The following DNMT1 variants were observed in gnomAD, a reference collection of about 807,000 sequenced individuals.
The protein encoded by DNMT1 is DNA methyltransferase 1.
In DNMT1, 24 loss-of-function variants were observed where a neutral mutation model predicts 205.3. The ratio of observed to expected loss-of-function variants is 0.12; its 90% confidence interval spans 0.08 to 0.16. The LOEUF (loss-of-function observed/expected upper bound fraction) is 0.16, where lower values mean the gene tolerates loss of function less well. DNMT1 is among the 10% of genes least tolerant of loss of function. The probability of loss-of-function intolerance (pLI) is 1.00; values close to 1 mark genes in which losing one functional copy is unlikely to be tolerated. For missense variants in DNMT1, 1,293 were observed against 2,177.7 expected, an observed-to-expected ratio of 0.59 and a Z score of 8.09; for synonymous variants, 817 against 839.8, an observed-to-expected ratio of 0.97 and a Z score of 0.47.
chr19:10,134,078 T>G, intron 40 of DNMT1, 139 bp downstream of exon 40: 1 of 836,302 alleles, frequency 1.2e-6, no homozygotes, highest in Non-Finnish European at 2.0e-6. Context: ...CAGCAGCCCC[T>G]TGAGAAAGAT....
Position 10,138,269 on chromosome 19 carries a change from T to C in DNMT1, c.4115+170A>G, listed in dbSNP as rs2089532181. Among the ~76,000 whole-genome samples, 1 of 152,112 alleles carries C rather than the reference T, an allele frequency of 6.6e-6. No homozygotes were observed. The highest frequency in any genetic ancestry group is 6.5e-5 in the Admixed American group (1 of 15,274). On this transcript the variant is annotated intron_variant, in intron 35 of 40. Transcript: ENST00000359526. The surrounding 1 kb of genome is among the most constrained non-coding windows in gnomAD (Gnocchi z 4.1). ...TACTAGGGAAGCAGATGATGCAGGG[T>C]CAGAACTGGAGACCACAGGTGGCAG... is the stretch of plus-strand genomic sequence containing the variant.
At chr19:10,175,126 CACATAT>C (rs771282646) in intron 7 of DNMT1, among the ~76,000 whole-genome samples, 10 of 106,210 alleles carry the variant, frequency 9.4e-5, no homozygotes, top group African/African-American at 1.4e-4. Context: ...CACACACACA[CACATAT>C]ATATAACATG....
rs770740813 is a variant in DNMT1, at chr19:10,154,273, G to A, written c.2019+20C>T. Reference sequence around the variant, plus strand: ...GCTGGGCCACCTTAGGGGAGCGGGAGCACCCACAGGTGAGGTTACCTCACA... The same window carrying A: ...GCTGGGCCACCTTAGGGGAGCGGGAACACCCACAGGTGAGGTTACCTCACA... On this transcript the variant is annotated intron_variant, in intron 22 of 40. Transcript: ENST00000359526. The surrounding 1 kb of genome is among the most constrained non-coding windows in gnomAD (Gnocchi z 6.3). 4 of 1,613,576 alleles carry A rather than the reference G, an allele frequency of 2.5e-6. No homozygotes were observed. Among genetic ancestry groups the A allele is most frequent in the Non-Finnish European group, 3.4e-6 (4 of 1,179,562 alleles).
At position 10,159,752 on chromosome 19, in the gene DNMT1, T is replaced by G; in HGVS notation, c.1186A>C (p.Met396Leu). 1 of 1,614,200 alleles carries G rather than the reference T, an allele frequency of 6.2e-7. No homozygotes were observed. Among genetic ancestry groups the G allele is most frequent in the Non-Finnish European group, 8.5e-7 (1 of 1,180,042 alleles). ...ATGGACAGCTTCTCATTTGTCAGCA[T>G]CTGTGGCTCATCCACCTGAAGGACA... is the stretch of plus-strand genomic sequence containing the variant. ...HPPDAVDEPQ[M>L]LTNEKLSIFD... The change falls in exon 17 of 41, where the codon ATG (methionine) becomes CTG (leucine). Residue 396 changes from methionine to leucine, a missense_variant. Physicochemically the swap from Met to Leu is conservative, Grantham distance 15 (BLOSUM62 2). Transcript: ENST00000359526. The surrounding 1 kb of genome is among the most constrained non-coding windows in gnomAD (Gnocchi z 5.0).
At chr19:10,193,088 C>T (rs1599414529) in intron 1 of DNMT1, among the ~76,000 whole-genome samples, 1 of 152,120 alleles carries the variant, frequency 6.6e-6, no homozygotes, top group East Asian at 1.9e-4. Flanking sequence ...GGCATGATGG[C>T]TCATACTTGT....
Position 10,160,005 on chromosome 19 carries a change from G to A in DNMT1, c.1089+13C>T, listed in dbSNP as rs764042063. 8.7e-6 allele frequency: 14 copies of A among 1,614,040 alleles called. No homozygotes were observed. Among genetic ancestry groups the A allele is most frequent in the African/African-American group, 1.3e-5 (1 of 74,936 alleles). On this transcript the variant is annotated intron_variant, in intron 15 of 40. Transcript: ENST00000359526. ...GAGCGCCGCCACCGGCTTTATTCCC[G>A]GCAGATGTTTACCTTGGAGTTCATG...
At chr19:10,173,036 G>C in intron 9 of DNMT1, 54 bp downstream of exon 9, 1 of 1,604,290 alleles carries the variant, frequency 6.2e-7, no homozygotes, top group Non-Finnish European at 8.5e-7. Flanking sequence ...AAGGAAATTG[G>C]GACCATATAG....
chr19:10,164,809 T>C (rs1288205017), intron 11 of DNMT1, among the ~76,000 whole-genome samples: 1 of 149,926 alleles, frequency 6.7e-6, no homozygotes, highest in African/African-American at 2.5e-5. Context: ...ACGCCTGTAA[T>C]CCCAGCTACT....
At chr19:10,136,957 C>T (rs919813651) in intron 37 of DNMT1, 128 bp downstream of exon 37, 6 of 1,291,612 alleles carry the variant, frequency 4.6e-6, no homozygotes, top group Non-Finnish European at 6.5e-6. Flanking sequence ...TCAGCAGCTA[C>T]CTTCTCTGGG....
chr19:10,183,092 T>TATACGTGTGTATATATATAC, intron 1 of DNMT1, among the ~76,000 whole-genome samples: 1 of 138,612 alleles, frequency 7.2e-6, no homozygotes, highest in African/African-American at 2.9e-5. Context: ...TATATATATA[T>TATACGTGTGTATATATATAC]ACACGTATAT....
rs2038619008 is a variant in DNMT1 at position 10,163,310 on chromosome 19, C to T, written c.926+16G>A. On this transcript the variant is annotated intron_variant, in intron 12 of 40. Transcript: ENST00000359526. Reference sequence around the variant, plus strand: ...GATCCAGATGACACAAAAGCACAAGCATTTTAAACACTTACAGATCTTTGG... The same window carrying T: ...GATCCAGATGACACAAAAGCACAAGTATTTTAAACACTTACAGATCTTTGG... 1 of 1,613,716 alleles carries T rather than the reference C, an allele frequency of 6.2e-7. No homozygotes were observed. Among genetic ancestry groups the T allele is most frequent in the Non-Finnish European group, 8.5e-7 (1 of 1,179,768 alleles).
intron 13 of DNMT1, 137 bp from the exon 14 acceptor site, chr19:10,160,555 A>G: frequency 1.1e-6 from 1 of 883,648 alleles, no homozygotes; most frequent in Middle Eastern, 2.2e-4. Context: ...GAGGGCCAGC[A>G]GGTGAGCTCT....
chr19:10,160,809 C>A (rs557420618), intron 13 of DNMT1, among the ~76,000 whole-genome samples: 28 of 152,316 alleles, frequency 1.8e-4, no homozygotes, highest in African/African-American at 5.5e-4. Flanking sequence ...ATTGCTTGAA[C>A]CCGAGACGTA....
At chr19:10,184,608 T>A (rs935693836) in intron 1 of DNMT1, 1 of 151,436 alleles carries the variant, frequency 6.6e-6, no homozygotes, top group African/African-American at 2.4e-5. Flanking sequence ...TGGGCAGGAG[T>A]TCGAGTCCAG....
intron 34 of DNMT1, among the ~76,000 whole-genome samples, chr19:10,139,325 C>T (rs2089555909): frequency 6.6e-6 from 1 of 152,222 alleles, no homozygotes; most frequent in Non-Finnish European, 1.5e-5. Context: ...CCTCACTTCC[C>T]CTCCCGCTCT....
At chr19:10,178,169 A>G (rs2145371122) in intron 5 of DNMT1, among the ~76,000 whole-genome samples, 2 of 151,264 alleles carry the variant, frequency 1.3e-5, no homozygotes, top group Middle Eastern at 3.4e-3. Flanking sequence ...AGGCAAAAAA[A>G]TCACTTGAAC....
chr19:10,178,118 G>A (rs190389426), intron 5 of DNMT1, among the ~76,000 whole-genome samples: 109 of 151,942 alleles, frequency 7.2e-4, no homozygotes, highest in Admixed American at 3.2e-3. Flanking sequence ...TTAGCTGGGC[G>A]TGGTGGCACG....
chr19:10,194,344 G>GA (rs1568265266), intron 1 of DNMT1, among the ~76,000 whole-genome samples: 2 of 152,052 alleles, frequency 1.3e-5, no homozygotes, highest in Admixed American at 1.3e-4. Flanking sequence ...AGCTTTGGGG[G>GA]AAAGGCACTG....
intron 29 of DNMT1, 44 bp downstream of exon 29, chr19:10,143,722 A>G: frequency 2.5e-6 from 4 of 1,607,826 alleles, no homozygotes; most frequent in Admixed American, 3.3e-5. Flanking sequence ...AGAGCCTTCT[A>G]GAAGAGTCTG....
Sources: allele counts gnomAD v4.1 joint callset (sites outside exome capture counted in the v4.1 genomes callset), GRCh38; gene constraint gnomAD v4.1.1; non-coding constraint Gnocchi (gnomAD v3.1); transcripts MANE v1.5; gene names NCBI Gene and HGNC (gene_info 2026-07-23, HGNC 2026-07-21).